Variants in PTPRK observed in about 807,000 individuals in gnomAD.
The protein encoded by PTPRK is receptor-type tyrosine-protein phosphatase kappa.
A neutral mutation model predicts 178.0 loss-of-function variants in PTPRK; 75 were observed. The ratio of observed to expected loss-of-function variants is 0.42; its 90% CI spans 0.35 to 0.51. PTPRK has a LOEUF of 0.51. PTPRK is among the 20% of genes least tolerant of loss of function. The pLI, the probability that PTPRK is intolerant of heterozygous loss-of-function variation, is 0.02. For synonymous variants in PTPRK, 637 were observed against 620.6 expected, an observed-to-expected ratio of 1.03 and a Z score of -0.39; for missense variants, 1,441 against 1,797.8, an observed-to-expected ratio of 0.80 and a Z score of 3.59.
intron 7 of PTPRK, among the ~76,000 whole-genome samples, chr6:128,139,607 C>T (rs141905577): frequency 9.7e-4 from 148 of 151,990 alleles, no homozygotes; most frequent in African/African-American, 3.5e-3. Context: ...TTCTCCTTTC[C>T]CCTTTTCTCT....
intron 2 of PTPRK, among the ~76,000 whole-genome samples, chr6:128,349,865 T>C (rs960898882): frequency 1.3e-5 from 2 of 152,140 alleles, no homozygotes; most frequent in East Asian, 1.9e-4. Flanking sequence ...AGGAGACTTA[T>C]GGGTCAGGTG....
chr6:128,333,089 A>G (rs568770907), intron 2 of PTPRK, among the ~76,000 whole-genome samples: 46 of 152,350 alleles, frequency 3.0e-4, no homozygotes, highest in African/African-American at 1.1e-3. Flanking sequence ...AAAAGGCAAT[A>G]AAGGCTTTGT....
chr6:128,439,175 A>G (rs534522739), intron 1 of PTPRK, among the ~76,000 whole-genome samples: 1 of 152,272 alleles, frequency 6.6e-6, no homozygotes, highest in South Asian at 2.1e-4. Context: ...AGCAAAATTG[A>G]TTGAACAGTT....
intron 1 of PTPRK, among the ~76,000 whole-genome samples, chr6:128,436,640 A>AT (rs1197939965): frequency 6.6e-6 from 1 of 151,964 alleles, no homozygotes; most frequent in Non-Finnish European, 1.5e-5. Flanking sequence ...CTTCACATGC[A>AT]TTTTTTATTT....
intron 6 of PTPRK, among the ~76,000 whole-genome samples, chr6:128,214,544 CATTATTATT>C (rs369013218): frequency 3.3e-5 from 5 of 149,952 alleles, no homozygotes; most frequent in Non-Finnish European, 5.9e-5. Flanking sequence ...ACCAGTGATG[CATTATTATT>C]ATTATTATTA....
chr6:128,016,210 A>G (rs1263255779), intron 13 of PTPRK, among the ~76,000 whole-genome samples: 1 of 151,940 alleles, frequency 6.6e-6, no homozygotes, highest in Non-Finnish European at 1.5e-5. Context: ...TTTACAAGTC[A>G]TGGTAGACTT....
chr6:128,474,618 T>C (rs1395694201), intron 1 of PTPRK, among the ~76,000 whole-genome samples: 1 of 152,094 alleles, frequency 6.6e-6, no homozygotes, highest in Non-Finnish European at 1.5e-5. Flanking sequence ...TTTTCAGAAC[T>C]TCTGCAACAA....
At chr6:128,075,129 T>G (rs1783557171) in intron 11 of PTPRK, among the ~76,000 whole-genome samples, 1 of 151,980 alleles carries the variant, frequency 6.6e-6, no homozygotes, top group South Asian at 2.1e-4. Context: ...ATCCTACTGA[T>G]CTAAAACCTT....
intron 2 of PTPRK, among the ~76,000 whole-genome samples, chr6:128,371,898 A>G (rs1292529422): frequency 6.6e-6 from 1 of 151,054 alleles, no homozygotes; most frequent in East Asian, 1.9e-4. Context: ...AAAGAGAGAG[A>G]GAGAGAAGCC....
intron 13 of PTPRK, among the ~76,000 whole-genome samples, chr6:128,034,690 G>A (rs1775917642): frequency 6.6e-6 from 1 of 152,158 alleles, no homozygotes; most frequent in Non-Finnish European, 1.5e-5. Flanking sequence ...TGGAGTAGTT[G>A]TATGAGACAG....
chr6:128,190,071 T>A (rs1260149024), intron 6 of PTPRK, among the ~76,000 whole-genome samples: 2 of 152,224 alleles, frequency 1.3e-5, no homozygotes, highest in African/African-American at 4.8e-5. Flanking sequence ...GTTATTCATA[T>A]TTAGAAGCAA....
Position 128,078,910 on chromosome 6 carries a change from A to T in PTPRK, c.1786T>A (p.Leu596Ile). ...GCATCAACTCCTTCATAGTCAGGTA[A>T]AGTTGGAGCTGATGAGTGATTAATG... ...NVTTNISAPT[L>I]PDYEGVDASL... The change falls in exon 11 of 30, where the codon TTA becomes ATA. Residue 596 changes from leucine (L) to isoleucine (I), a missense_variant. By Grantham distance (5) the Leu-to-Ile change is conservative. Coordinates refer to ENST00000368226, the MANE Select transcript of PTPRK (RefSeq NM_002844.4). The T allele has an allele frequency of 6.2e-7, 1 of 1,605,708 alleles. No homozygotes were observed. The highest frequency in any genetic ancestry group is 8.5e-7 in the Non-Finnish European group (1 of 1,172,762).
rs1858638811 is a variant in PTPRK, at chr6:128,519,426, T to C, written c.100+833A>G. ...TGGGTTCTCCGGCAGAAGGCAGACA[T>C]TTACAGTCCGCTTCCAGCCCCAGGC... On this transcript the variant is annotated intron_variant, in intron 1 of 29. Transcript: ENST00000368226. The surrounding 1 kb of genome is among the most constrained non-coding windows in gnomAD (Gnocchi z 4.3). Among the ~76,000 whole-genome samples, 1 of 151,676 alleles carries C rather than the reference T, an allele frequency of 6.6e-6. No homozygotes were observed. The highest frequency in any genetic ancestry group is 2.4e-5 in the African/African-American group (1 of 41,264).
At chr6:128,106,998 G>A (rs1031504149) in intron 7 of PTPRK, among the ~76,000 whole-genome samples, 15 of 152,102 alleles carry the variant, frequency 9.9e-5, no homozygotes, top group African/African-American at 3.6e-4. Flanking sequence ...TCAAAACTGG[G>A]TTTAAAGAAA....
chr6:128,508,729 G>A (rs1234962920), intron 1 of PTPRK, among the ~76,000 whole-genome samples: 1 of 151,970 alleles, frequency 6.6e-6, no homozygotes, highest in African/African-American at 2.4e-5. Context: ...GGTCACCTGA[G>A]GTCAGGAGTT....
chr6:128,289,084 A>T lies in PTPRK; in HGVS notation c.495+32955T>A, dbSNP rs1021236769. 1.3e-4 allele frequency among the ~76,000 whole-genome samples: 20 copies of T among 152,212 alleles called. No individual in the cohort carries two copies. In the East Asian group the frequency reaches 3.9e-3, roughly 29 times the overall value. On this transcript the variant is annotated intron_variant, in intron 3 of 29. Transcript: ENST00000368226. ...TCTCTGAACTACTTGCATTAGACCCATCTAAAATATATATTATAAATTAAC... is the reference window on the plus strand; with the variant it reads ...TCTCTGAACTACTTGCATTAGACCCTTCTAAAATATATATTATAAATTAAC...
intron 2 of PTPRK, among the ~76,000 whole-genome samples, chr6:128,395,234 C>T (rs1428816153): frequency 6.6e-6 from 1 of 152,106 alleles, no homozygotes; most frequent in Admixed American, 6.5e-5. Context: ...TACATGAGTG[C>T]TTTCTCTCAC....
At chr6:128,511,714 A>T (rs1450543087) in intron 1 of PTPRK, among the ~76,000 whole-genome samples, 1 of 152,206 alleles carries the variant, frequency 6.6e-6, no homozygotes, top group Non-Finnish European at 1.5e-5. Context: ...TTCTGCCAAG[A>T]TGCAACCAAA....
chr6:128,388,332 T>TA (rs756226447), intron 2 of PTPRK, among the ~76,000 whole-genome samples: 1 of 152,100 alleles, frequency 6.6e-6, no homozygotes, highest in African/African-American at 2.4e-5. Context: ...TAGCCTGAGG[T>TA]AAAAAGATGA....
Sources: gnomAD v4.1 joint callset for allele counts (sites outside exome capture counted in the v4.1 genomes callset) on GRCh38, gnomAD v4.1.1 for gene constraint, Gnocchi (gnomAD v3.1) non-coding constraint, MANE v1.5 for transcripts, NCBI Gene and HGNC (gene_info 2026-07-23, HGNC 2026-07-21) for gene names.